DLG2: variants seen among roughly 807,000 people sequenced by gnomAD.
The protein encoded by DLG2 is disks large homolog 2.
In DLG2, 45 loss-of-function variants were observed where a neutral mutation model predicts 132.5. The observed-to-expected ratio is 0.34, with a 90% CI of 0.27 to 0.44. The LOEUF (loss-of-function observed/expected upper bound fraction) is 0.44. DLG2 is among the 20% of genes least tolerant of loss of function. The pLI is 1.00. For synonymous variants in DLG2, 424 were observed against 419.6 expected (o/e 1.01, Z -0.13); for missense variants, 1,045 against 1,196.9 (o/e 0.87, Z 1.87).
chr11:83,658,567 G>C (rs541552128), intron 18 of DLG2, among the ~76,000 whole-genome samples: 31 of 152,318 alleles, frequency 2.0e-4, no homozygotes, highest in African/African-American at 6.0e-4. Flanking sequence ...GATTTGCAAT[G>C]AATTTTCATG....
intron 18 of DLG2, among the ~76,000 whole-genome samples, chr11:83,635,327 A>C (rs2064513399): frequency 6.6e-6 from 1 of 152,194 alleles, no homozygotes; most frequent in African/African-American, 2.4e-5. Flanking sequence ...GCCACCTTGG[A>C]AGAGTCAATT....
intron 6 of DLG2, among the ~76,000 whole-genome samples, chr11:84,650,566 A>C (rs769521137): frequency 6.6e-6 from 1 of 152,134 alleles, no homozygotes; most frequent in Non-Finnish European, 1.5e-5. Flanking sequence ...TACACTGATG[A>C]AGTGACAGAC....
intron 15 of DLG2, among the ~76,000 whole-genome samples, chr11:83,905,471 A>G (rs1439711179): frequency 6.6e-6 from 1 of 152,174 alleles, no homozygotes. Flanking sequence ...TTGTATGACT[A>G]ACTGAGGAAT....
intron 4 of DLG2, among the ~76,000 whole-genome samples, chr11:85,163,615 A>G (rs1024808249): frequency 2.6e-5 from 4 of 152,214 alleles, no homozygotes; most frequent in African/African-American, 9.6e-5. Context: ...AGGAAAAGGC[A>G]TAGATTTTAG....
intron 6 of DLG2, among the ~76,000 whole-genome samples, chr11:84,691,236 G>C (rs2057999111): frequency 6.6e-6 from 1 of 151,624 alleles, no homozygotes; most frequent in South Asian, 2.1e-4. Flanking sequence ...ATTTTTAGTA[G>C]GAACATATCA....
intron 6 of DLG2, among the ~76,000 whole-genome samples, chr11:84,605,961 C>T (rs2099584834): frequency 6.6e-6 from 1 of 152,062 alleles, no homozygotes; most frequent in South Asian, 2.1e-4. Flanking sequence ...CTAGTCATAA[C>T]TGACCTCTTT....
chr11:84,364,239 T>G (rs1241772753), intron 7 of DLG2, among the ~76,000 whole-genome samples: 5 of 152,184 alleles, frequency 3.3e-5, no homozygotes, highest in South Asian at 2.1e-4. Context: ...CCTTGTAAGT[T>G]GGATTCCTAG....
intron 14 of DLG2, among the ~76,000 whole-genome samples, chr11:83,948,222 G>C (rs1057132190): frequency 6.6e-6 from 1 of 152,164 alleles, no homozygotes; most frequent in Non-Finnish European, 1.5e-5. Context: ...ATTCCCATTA[G>C]GAAGGAGTAT....
At chr11:84,764,548 T>C (rs1231470360) in intron 6 of DLG2, among the ~76,000 whole-genome samples, 1 of 152,212 alleles carries the variant, frequency 6.6e-6, no homozygotes, top group Non-Finnish European at 1.5e-5. Flanking sequence ...ACACTGTTAG[T>C]ATCTCCATTC....
intron 6 of DLG2, among the ~76,000 whole-genome samples, chr11:84,815,082 G>T (rs764546356): frequency 1.8e-4 from 28 of 152,048 alleles, no homozygotes; most frequent in Non-Finnish European, 3.5e-4. Flanking sequence ...CAGTAGGAAA[G>T]TCTCATGATC....
intron 21 of DLG2, among the ~76,000 whole-genome samples, chr11:83,511,158 C>A (rs1160839307): frequency 6.6e-6 from 1 of 150,970 alleles, no homozygotes; most frequent in Non-Finnish European, 1.5e-5. Context: ...CAGGTTCATT[C>A]TTATTTCTGT....
At chr11:84,458,002 A>G (rs1214453780) in intron 7 of DLG2, among the ~76,000 whole-genome samples, 2 of 150,906 alleles carry the variant, frequency 1.3e-5, no homozygotes, top group Admixed American at 1.3e-4. Context: ...CAAGCCTGTT[A>G]TCTACGTAAA....
chr11:84,119,828 C>T (rs1206252991), intron 9 of DLG2, among the ~76,000 whole-genome samples: 3 of 152,064 alleles, frequency 2.0e-5, no homozygotes, highest in Admixed American at 2.0e-4. Context: ...GCTAAGAAAC[C>T]CTTTCTTGAA....
chr11:83,466,185 A>T (rs1258373352), intron 26 of DLG2, among the ~76,000 whole-genome samples: 2 of 152,232 alleles, frequency 1.3e-5, no homozygotes, highest in Non-Finnish European at 2.9e-5. Context: ...GGAACATCAG[A>T]ATTCTATTAG....
At chr11:84,313,641 A>AAAGAAAGAAAGAAAGAAAGAAAG (rs2098320732) in intron 7 of DLG2, among the ~76,000 whole-genome samples, 1 of 129,180 alleles carries the variant, frequency 7.7e-6, no homozygotes, top group Non-Finnish European at 1.6e-5. Flanking sequence ...GAAAGAGAGA[A>AAAGAAAGAAAGAAAGAAAGAAAG]AAAGAAAGAA....
chr11:84,913,279 G>C lies in DLG2; in HGVS notation c.357+198382C>G, dbSNP rs569200102. ...TGAGACAATGTTAGGAGACTAGCTA[G>C]AGAAACTTTTGCATGAAGTATGTAT... On this transcript the variant is annotated intron_variant, in intron 6 of 27. Coordinates refer to ENST00000376104, the MANE Select transcript of DLG2 (RefSeq NM_001142699.3). 2.0e-5 allele frequency among the ~76,000 whole-genome samples: 3 copies of C among 152,296 alleles called. No homozygotes were observed. In the East Asian group the frequency reaches 5.8e-4, roughly 29 times the overall value.
intron 6 of DLG2, among the ~76,000 whole-genome samples, chr11:84,737,426 C>T (rs1359283222): frequency 1.3e-5 from 2 of 151,514 alleles, no homozygotes; most frequent in African/African-American, 2.4e-5. Context: ...AGAATGGGTG[C>T]TATTTCTTCT....
intron 8 of DLG2, among the ~76,000 whole-genome samples, chr11:84,167,205 G>A (rs540690922): frequency 6.6e-6 from 1 of 152,272 alleles, no homozygotes; most frequent in South Asian, 2.1e-4. Flanking sequence ...TGTGGTGACA[G>A]CTGGTAGATT....
rs540073828 is a variant in DLG2, at chr11:85,490,275, T to C, written c.40+108382A>G. 3.7e-4 allele frequency among the ~76,000 whole-genome samples: 57 copies of C among 152,028 alleles called. 1 individual carries two copies. The highest frequency in any genetic ancestry group is 4.0e-4 in the Non-Finnish European group (27 of 67,968). On this transcript the variant is annotated intron_variant, in intron 3 of 27. Coordinates refer to ENST00000376104, the MANE Select transcript of DLG2 (RefSeq NM_001142699.3). ...ACCCTGTGGAACACAGCAAAAATAA[T>C]GCTAACAGGGAAGTTAGCACTATTT...
Sources: gnomAD v4.1 joint callset for allele counts (sites outside exome capture counted in the v4.1 genomes callset) on GRCh38, gnomAD v4.1.1 for gene constraint, MANE v1.5 for transcripts, NCBI Gene and HGNC (gene_info 2026-07-23, HGNC 2026-07-21) for gene names.